The following NTM variants were observed in gnomAD, a reference collection of about 807,000 sequenced individuals.
NTM encodes the protein IgLON family member 2.
In NTM, 13 loss-of-function variants were observed where a neutral mutation model predicts 42.1. The observed-to-expected ratio is 0.31, with a 90% CI of 0.20 to 0.49. The LOEUF is 0.49. Ranked by LOEUF, NTM falls within the 20% of genes least tolerant of loss-of-function variation. NTM has a pLI of 0.99. For missense variants in NTM, 373 were observed against 452.8 expected, an observed-to-expected ratio of 0.82 and a Z score of 1.60; for synonymous variants, 187 against 179.2, an observed-to-expected ratio of 1.04 and a Z score of -0.35.
intron 4 of NTM, among the ~76,000 whole-genome samples, chr11:132,213,730 C>CTTTTTTTTTTT (rs59685389): frequency 1.2e-5 from 1 of 80,538 alleles, no homozygotes; most frequent in Non-Finnish European, 2.5e-5. Context: ...GGCCACCATT[C>CTTTTTTTTTTT]TTTTTTTTTT....
intron 4 of NTM, among the ~76,000 whole-genome samples, chr11:132,304,734 A>G (rs1219768038): frequency 1.3e-5 from 2 of 152,204 alleles, no homozygotes; most frequent in East Asian, 3.8e-4. Context: ...GCTTAAATTT[A>G]TTAAGCATAT....
chr11:132,010,617 C>CTCTT (rs111260809), intron 2 of NTM, among the ~76,000 whole-genome samples: 25 of 146,920 alleles, frequency 1.7e-4, no homozygotes, highest in African/African-American at 5.8e-4. Context: ...TTTCTACTGT[C>CTCTT]TTTTTTTTTT....
chr11:131,717,717 C>T (rs1246276216), intron 1 of NTM, among the ~76,000 whole-genome samples: 1 of 152,078 alleles, frequency 6.6e-6, no homozygotes, highest in Non-Finnish European at 1.5e-5. Context: ...CTTCTTCTTG[C>T]GTTATTGTAT....
chr11:131,608,750 C>G (rs994270791), intron 1 of NTM, among the ~76,000 whole-genome samples: 5 of 152,124 alleles, frequency 3.3e-5, no homozygotes, highest in African/African-American at 1.2e-4. Context: ...GTCTCTATTG[C>G]TCTCTCTCTT....
chr11:132,263,432 TCTC>T (rs1478420634), intron 4 of NTM, among the ~76,000 whole-genome samples: 5 of 152,192 alleles, frequency 3.3e-5, no homozygotes, highest in African/African-American at 4.8e-5. Context: ...AACCAGAAGT[TCTC>T]CTGCTAGGTC....
At chr11:131,907,202 T>C (rs991408756) in intron 1 of NTM, among the ~76,000 whole-genome samples, 13 of 152,218 alleles carry the variant, frequency 8.5e-5, no homozygotes, top group Admixed American at 2.0e-4. Context: ...TTTTCGTCTC[T>C]TGTGTGTGTG....
chr11:132,320,416 G>A (rs1431017898), intron 7 of NTM, among the ~76,000 whole-genome samples: 1 of 152,212 alleles, frequency 6.6e-6, no homozygotes, highest in Non-Finnish European at 1.5e-5. Flanking sequence ...AAGGGTGACG[G>A]ATGGCACCTG....
chr11:131,521,595 G>T (rs1424918352), intron 1 of NTM, among the ~76,000 whole-genome samples: 1 of 151,074 alleles, frequency 6.6e-6, no homozygotes, highest in Non-Finnish European at 1.5e-5. Flanking sequence ...GCCCGTAGGG[G>T]GACTCTTGTG....
chr11:131,446,973 G>T (rs1950106944), intron 1 of NTM, among the ~76,000 whole-genome samples: 1 of 152,224 alleles, frequency 6.6e-6, no homozygotes, highest in Non-Finnish European at 1.5e-5. Context: ...TGAAAAGAAT[G>T]TCAGAAAGGA....
chr11:132,304,400 A>C (rs1353966581), intron 4 of NTM, among the ~76,000 whole-genome samples: 1 of 150,656 alleles, frequency 6.6e-6, no homozygotes, highest in Non-Finnish European at 1.5e-5. Flanking sequence ...AGCACTTTAA[A>C]GACTATGCTT....
At chr11:132,248,015 A>G (rs1304032627) in intron 4 of NTM, among the ~76,000 whole-genome samples, 1 of 151,900 alleles carries the variant, frequency 6.6e-6, no homozygotes, top group Non-Finnish European at 1.5e-5. Flanking sequence ...ATGCCATTAA[A>G]TGGTCACAGC....
chr11:131,699,912 GTGTGTGTGT>G (rs2075892078), intron 1 of NTM, among the ~76,000 whole-genome samples: 1 of 11,002 alleles, frequency 9.1e-5, no homozygotes, highest in African/African-American at 5.2e-4. Context: ...AGCAGCAGGT[GTGTGTGTGT>G]GTGTGTGTGT....
chr11:131,455,250 G>A (rs927502024), intron 1 of NTM, among the ~76,000 whole-genome samples: 3 of 152,180 alleles, frequency 2.0e-5, no homozygotes, highest in Non-Finnish European at 2.9e-5. Flanking sequence ...ATAAGGCTTG[G>A]CCACAGGTTT....
At chr11:131,532,266 TTC>T (rs773113898) in intron 1 of NTM, among the ~76,000 whole-genome samples, 2 of 152,138 alleles carry the variant, frequency 1.3e-5, no homozygotes, top group East Asian at 1.9e-4. Flanking sequence ...CCTGGTAACT[TTC>T]TGTTTCTCTG....
chr11:131,733,674 T>C (rs2080027992), intron 1 of NTM, among the ~76,000 whole-genome samples: 1 of 152,220 alleles, frequency 6.6e-6, no homozygotes, highest in Non-Finnish European at 1.5e-5. Context: ...TGGCTGGGAT[T>C]ACAGGCACAC....
chr11:131,916,704 C>T (rs2056443315), intron 2 of NTM, among the ~76,000 whole-genome samples: 1 of 152,180 alleles, frequency 6.6e-6, no homozygotes, highest in African/African-American at 2.4e-5. Context: ...TCCACAGCCT[C>T]TTAAGGGCGG....
chr11:131,515,379 T>TGGTAGATGG (rs2048767946), intron 1 of NTM, among the ~76,000 whole-genome samples: 1 of 152,172 alleles, frequency 6.6e-6, no homozygotes, highest in Non-Finnish European at 1.5e-5. Context: ...CGGAGCCCAG[T>TGGTAGATGG]CCTCTCCCTG....
intron 4 of NTM, among the ~76,000 whole-genome samples, chr11:132,220,180 A>G (rs562488126): frequency 4.6e-5 from 7 of 152,356 alleles, no homozygotes; most frequent in African/African-American, 9.6e-5. Flanking sequence ...TTCAATATAT[A>G]CAGAAAAAAA....
chr11:131,750,811 A>G (rs192089276), intron 1 of NTM, among the ~76,000 whole-genome samples: 14 of 152,060 alleles, frequency 9.2e-5, no homozygotes, highest in Non-Finnish European at 1.8e-4. Flanking sequence ...GTGACTTTCT[A>G]TTCCACTTTG....
Sources: allele counts gnomAD v4.1 joint callset (sites outside exome capture counted in the v4.1 genomes callset), GRCh38; gene constraint gnomAD v4.1.1; transcripts MANE v1.5; gene names NCBI Gene and HGNC (gene_info 2026-07-23, HGNC 2026-07-21).